Variants in ACVR1 observed in about 807,000 individuals in gnomAD.
ACVR1 encodes the protein activin receptor type-1.
ACVR1 carries 38 observed loss-of-function variants against 57.1 expected under a neutral mutation model. That is an observed-to-expected ratio of 0.67 (90% CI 0.51 to 0.87). ACVR1 has a LOEUF of 0.87. Ranked by LOEUF, ACVR1 falls within the 40% of genes least tolerant of loss-of-function variation. The pLI is 0.00. For missense variants in ACVR1, 463 were observed against 638.2 expected, an observed-to-expected ratio of 0.73 and a Z score of 2.96; for synonymous variants, 212 against 228.1, an observed-to-expected ratio of 0.93 and a Z score of 0.63.
At chr2:157,756,993 T>C (rs1206715972) in intron 9 of ACVR1, among the ~76,000 whole-genome samples, 1 of 141,438 alleles carries the variant, frequency 7.1e-6, no homozygotes, top group Non-Finnish European at 1.5e-5. Context: ...ATATTTGAGA[T>C]ATATATATTT....
At chr2:157,838,906 T>C (rs1459148826) in intron 1 of ACVR1, among the ~76,000 whole-genome samples, 1 of 152,136 alleles carries the variant, frequency 6.6e-6, no homozygotes, top group African/African-American at 2.4e-5. Context: ...CATGCAGGTG[T>C]CAAGCAATCC....
chr2:157,757,178 G>A (rs1167394638), intron 9 of ACVR1, among the ~76,000 whole-genome samples: 1 of 151,110 alleles, frequency 6.6e-6, no homozygotes, highest in East Asian at 1.9e-4. Context: ...GATGTCTTTT[G>A]AAATAGCCAG....
intron 9 of ACVR1, among the ~76,000 whole-genome samples, chr2:157,740,861 C>A (rs1191267136): frequency 6.6e-6 from 1 of 152,170 alleles, no homozygotes; most frequent in Admixed American, 6.5e-5. Context: ...GACCATTTAA[C>A]TGATTATCCC....
intron 9 of ACVR1, among the ~76,000 whole-genome samples, chr2:157,741,712 A>G (rs1321047097): frequency 6.6e-6 from 1 of 152,024 alleles, no homozygotes; most frequent in African/African-American, 2.4e-5. Flanking sequence ...GAAAGAAAAA[A>G]AATTACAGAC....
At chr2:157,870,811 A>G (rs1690093964) in intron 1 of ACVR1, among the ~76,000 whole-genome samples, 1 of 152,250 alleles carries the variant, frequency 6.6e-6, no homozygotes, top group African/African-American at 2.4e-5. Context: ...ACAGGTTACA[A>G]CATTAAGCAC....
In ACVR1 at chr2:157,738,581, G is replaced by A; in HGVS notation, c.1265-11C>T. The A allele has an allele frequency of 6.2e-7, 1 of 1,613,944 alleles. No individual in the cohort carries two copies. Among genetic ancestry groups the A allele is most frequent in the South Asian group, 1.1e-5 (1 of 91,078 alleles). On this transcript the variant is annotated splice_polypyrimidine_tract_variant and intron_variant, in intron 9 of 10. Coordinates refer to ENST00000434821, the MANE Select transcript of ACVR1 (RefSeq NM_001111067.4). ...AATCCTCCACTATACCTGCACACAAGGACAAGAATTGTGTTCGGTTAGCAA... is the reference window on the plus strand; with the variant it reads ...AATCCTCCACTATACCTGCACACAAAGACAAGAATTGTGTTCGGTTAGCAA...
At chr2:157,785,817 T>C (rs1686691925) in intron 3 of ACVR1, among the ~76,000 whole-genome samples, 1 of 152,204 alleles carries the variant, frequency 6.6e-6, no homozygotes, top group Non-Finnish European at 1.5e-5. Context: ...CCAGATGTAT[T>C]CTTCCGCCAA....
At chr2:157,833,581 G>A (rs188351358) in intron 1 of ACVR1, among the ~76,000 whole-genome samples, 138 of 152,132 alleles carry the variant, frequency 9.1e-4, no homozygotes, top group African/African-American at 3.2e-3. Context: ...GAAATAAAAC[G>A]TTAGCAATTG....
chr2:157,809,892 C>G (rs554082878), intron 2 of ACVR1, among the ~76,000 whole-genome samples: 1 of 152,048 alleles, frequency 6.6e-6, no homozygotes, highest in South Asian at 2.1e-4. Context: ...ATGGGCAACA[C>G]AGTGAGACCC....
chr2:157,766,723 T>TA (rs988482763), intron 7 of ACVR1, among the ~76,000 whole-genome samples: 1 of 151,996 alleles, frequency 6.6e-6, no homozygotes, highest in African/African-American at 2.4e-5. Flanking sequence ...ATTCACGAAA[T>TA]AAAAAAAGAA....
rs1335500586 is a variant in ACVR1 at position 157,876,317 on chromosome 2, C to G, written c.-704G>C. ...GAGGGGGAGGCTGCGGCGGCGGCGG[C>G]GGCTGCAAAGAGCAGGAGCCGGAGC... On this transcript the variant is annotated 5_prime_UTR_variant, in exon 1 of 11. Transcript: ENST00000434821. 6.7e-6 allele frequency among the ~76,000 whole-genome samples: 1 copy of G among 150,236 alleles called. No homozygotes were observed.
chr2:157,869,826 G>A (rs1487598671), intron 1 of ACVR1, among the ~76,000 whole-genome samples: 1 of 152,146 alleles, frequency 6.6e-6, no homozygotes, highest in Non-Finnish European at 1.5e-5. Flanking sequence ...CTGGGCACAT[G>A]TGTCCCTTAC....
At chr2:157,773,633 G>A (rs886499186) in intron 6 of ACVR1, among the ~76,000 whole-genome samples, 2 of 152,122 alleles carry the variant, frequency 1.3e-5, no homozygotes, top group Non-Finnish European at 2.9e-5. Context: ...AAATAAAGGA[G>A]TTATAAAGAT....
At chr2:157,760,537 T>C (rs892532998) in intron 9 of ACVR1, among the ~76,000 whole-genome samples, 10 of 152,196 alleles carry the variant, frequency 6.6e-5, no homozygotes, top group Admixed American at 4.6e-4. Flanking sequence ...ACATATTACA[T>C]ACATTTATCA....
At chr2:157,741,241 T>C (rs1684748080) in intron 9 of ACVR1, among the ~76,000 whole-genome samples, 3 of 152,152 alleles carry the variant, frequency 2.0e-5, no homozygotes, top group African/African-American at 7.2e-5. Context: ...AAAACTATAT[T>C]AGAAATTCTC....
chr2:157,833,202 A>G (rs910843489), intron 1 of ACVR1, among the ~76,000 whole-genome samples: 5 of 152,216 alleles, frequency 3.3e-5, no homozygotes, highest in Admixed American at 3.3e-4. Context: ...AAGTTCCTCC[A>G]GAGACCAGTA....
intron 9 of ACVR1, among the ~76,000 whole-genome samples, chr2:157,748,691 G>A (rs1337436075): frequency 6.6e-6 from 1 of 151,064 alleles, no homozygotes; most frequent in African/African-American, 2.4e-5. Context: ...TGTTTAATCT[G>A]AACACCTACT....
intron 1 of ACVR1, among the ~76,000 whole-genome samples, chr2:157,873,619 T>C (rs1164311923): frequency 6.6e-6 from 1 of 152,214 alleles, no homozygotes; most frequent in African/African-American, 2.4e-5. Flanking sequence ...AGAATCATTT[T>C]TCAAATCCAT....
chr2:157,791,405 T>C (rs1230581069), intron 3 of ACVR1, among the ~76,000 whole-genome samples: 1 of 152,238 alleles, frequency 6.6e-6, no homozygotes, highest in Non-Finnish European at 1.5e-5. Flanking sequence ...ATACCATAAT[T>C]ATTATTCTAG....
Sources: allele counts gnomAD v4.1 joint callset (sites outside exome capture counted in the v4.1 genomes callset), GRCh38; gene constraint gnomAD v4.1.1; transcripts MANE v1.5; gene names NCBI Gene and HGNC (gene_info 2026-07-23, HGNC 2026-07-21).